ACACB: variants seen among roughly 807,000 people sequenced by gnomAD.
The protein encoded by ACACB is acetyl-CoA carboxylase 2.
A neutral mutation model predicts 278.8 loss-of-function variants in ACACB; 209 were observed. The observed-to-expected ratio is 0.75, with a 90% CI of 0.67 to 0.84. The LOEUF (loss-of-function observed/expected upper bound fraction) is 0.84. Ranked by LOEUF, ACACB falls within the 40% of genes least tolerant of loss-of-function variation. The pLI, the probability that ACACB is intolerant of heterozygous loss-of-function variation, is 0.00. For synonymous variants in ACACB, 1,174 were observed against 1,285.6 expected, an observed-to-expected ratio of 0.91 and a Z score of 1.86; for missense variants, 2,850 against 3,269.0, an observed-to-expected ratio of 0.87 and a Z score of 3.13.
At chr12:109,204,265 C>G (rs2045425336) in intron 19 of ACACB, among the ~76,000 whole-genome samples, 1 of 136,294 alleles carries the variant, frequency 7.3e-6, no homozygotes, top group Non-Finnish European at 1.5e-5. Flanking sequence ...GCTATCAATA[C>G]TATATCTTTT....
intron 1 of ACACB, among the ~76,000 whole-genome samples, chr12:109,132,152 A>G (rs2042845308): frequency 6.6e-6 from 1 of 151,484 alleles, no homozygotes; most frequent in Non-Finnish European, 1.5e-5. Flanking sequence ...TGACAATAAT[A>G]ACATCCATTG....
intron 2 of ACACB, among the ~76,000 whole-genome samples, chr12:109,163,266 G>A (rs2043793919): frequency 6.6e-6 from 1 of 152,134 alleles, no homozygotes; most frequent in African/African-American, 2.4e-5. Context: ...GTCCAAACCA[G>A]TAGACACAGG....
At chr12:109,209,856 T>TAC (rs1491521043) in intron 21 of ACACB, among the ~76,000 whole-genome samples, 33 of 138,946 alleles carry the variant, frequency 2.4e-4, no homozygotes, top group Admixed American at 2.1e-4. Context: ...TGTGTATATA[T>TAC]GTATATACAC....
At chr12:109,196,755 G>A (rs1476698943) in intron 16 of ACACB, among the ~76,000 whole-genome samples, 1 of 152,204 alleles carries the variant, frequency 6.6e-6, no homozygotes, top group Middle Eastern at 3.2e-3. Context: ...TGCCAACACG[G>A]CTTGACAGGG....
intron 16 of ACACB, among the ~76,000 whole-genome samples, chr12:109,195,654 G>A (rs547930070): frequency 6.6e-6 from 1 of 152,200 alleles, no homozygotes; most frequent in South Asian, 2.1e-4. Context: ...TTACAAAGTT[G>A]AGATCATGGT....
intron 2 of ACACB, among the ~76,000 whole-genome samples, chr12:109,142,773 G>A (rs147617219): frequency 2.0e-4 from 31 of 152,166 alleles, no homozygotes; most frequent in African/African-American, 7.5e-4. Context: ...CACCATGTTG[G>A]CCAGTCTGGT....
At chr12:109,196,538 C>A (rs1453960642) in intron 16 of ACACB, among the ~76,000 whole-genome samples, 3 of 152,154 alleles carry the variant, frequency 2.0e-5, no homozygotes, top group African/African-American at 7.2e-5. Flanking sequence ...AAGGGCCCCA[C>A]CTTCATGATC....
intron 28 of ACACB, among the ~76,000 whole-genome samples, chr12:109,232,157 T>C (rs995980851): frequency 3.2e-4 from 48 of 152,200 alleles, no homozygotes; most frequent in African/African-American, 1.1e-3. Flanking sequence ...AGGTGGCCCA[T>C]TGAGATTTGC....
chr12:109,254,402 C>CT, intron 44 of ACACB, 68 bp downstream of exon 44: 4 of 1,436,218 alleles, frequency 2.8e-6, no homozygotes, highest in Non-Finnish European at 1.9e-6. Flanking sequence ...GACAAAGGAG[C>CT]ACTTTGTCTC....
intron 7 of ACACB, among the ~76,000 whole-genome samples, chr12:109,175,238 C>A (rs536471785): frequency 5.3e-5 from 8 of 151,954 alleles, no homozygotes; most frequent in Admixed American, 2.6e-4. Context: ...TTTTCCCCCC[C>A]CAAAAGTTGA....
intron 1 of ACACB, among the ~76,000 whole-genome samples, chr12:109,127,597 TAA>T (rs59070753): frequency 2.2e-5 from 3 of 139,346 alleles, no homozygotes; most frequent in Admixed American, 7.2e-5. Flanking sequence ...AGAATTCGCC[TAA>T]AAAAAAAAAA....
At chr12:109,147,335 C>T (rs2043266576) in intron 2 of ACACB, among the ~76,000 whole-genome samples, 1 of 151,896 alleles carries the variant, frequency 6.6e-6, no homozygotes, top group South Asian at 2.1e-4. Context: ...AGAAATCCTC[C>T]CACATCAGCC....
At chr12:109,116,059 C>G (rs1016679143), upstream of ACACB, among the ~76,000 whole-genome samples, 4 of 152,222 alleles carry the variant, frequency 2.6e-5, no homozygotes, top group Non-Finnish European at 1.5e-5. Flanking sequence ...CTTCTGTGCT[C>G]AACCCTAGCA....
At position 109,266,364 on chromosome 12, in the gene ACACB, C is replaced by T. The variant is rs201813488; in HGVS notation, c.*2C>T. 10 of 1,600,460 alleles carry T rather than the reference C, an allele frequency of 6.2e-6. No homozygotes were observed. Among genetic ancestry groups the T allele is most frequent in the African/African-American group, 5.3e-5 (4 of 74,800 alleles). ...ATGGACAGCCCGGCCTCCACCTGAC[C>T]GTGGCCCGCCCAGCCACTCCCGGGA... On this transcript the variant is annotated 3_prime_UTR_variant, in exon 53 of 53. Coordinates refer to ENST00000338432, the MANE Select transcript of ACACB (RefSeq NM_001093.4).
rs1433903643 is a variant in ACACB, at chr12:109,237,365, T to TGACCTG, written c.4648_4653dup (p.Asp1550_Leu1551dup). On this transcript the variant is annotated inframe_insertion, in exon 34 of 53. Coordinates refer to ENST00000338432, the MANE Select transcript of ACACB (RefSeq NM_001093.4). The stretch of plus-strand genomic sequence containing the variant: ...TCATCCGCGCCATCATCAGGCACTC[T>TGACCTG]GACCTGATCACAAAGGTAAGATGTC... The TGACCTG allele has an allele frequency of 6.2e-7, 1 of 1,613,908 alleles. No individual in the cohort carries two copies. The highest frequency in any genetic ancestry group is 1.3e-5 in the African/African-American group (1 of 74,922).
intron 20 of ACACB, among the ~76,000 whole-genome samples, chr12:109,207,078 C>T (rs1413806260): frequency 6.6e-6 from 1 of 152,202 alleles, no homozygotes; most frequent in Non-Finnish European, 1.5e-5. Context: ...ACCTCAGCCT[C>T]CCACGTAGCT....
chr12:109,169,631 G>A (rs1252962218), intron 4 of ACACB, among the ~76,000 whole-genome samples: 1 of 152,156 alleles, frequency 6.6e-6, no homozygotes, highest in African/African-American at 2.4e-5. Context: ...TATTGAAGGT[G>A]CTTCTCCCAG....
chr12:109,234,903 A>G (rs997546963), intron 31 of ACACB, among the ~76,000 whole-genome samples: 3 of 151,380 alleles, frequency 2.0e-5, no homozygotes, highest in African/African-American at 4.9e-5. Context: ...CGTTCTGCAC[A>G]TGTATCCTGT....
chr12:109,154,503 T>C (rs921465688), intron 2 of ACACB, among the ~76,000 whole-genome samples: 1 of 152,196 alleles, frequency 6.6e-6, no homozygotes, highest in African/African-American at 2.4e-5. Context: ...TTTAAAAATA[T>C]ATATCTCCGC....
Sources: allele counts gnomAD v4.1 joint callset (sites outside exome capture counted in the v4.1 genomes callset), GRCh38; gene constraint gnomAD v4.1.1; transcripts MANE v1.5; gene names NCBI Gene and HGNC (gene_info 2026-07-23, HGNC 2026-07-21).